Variants in MYOF observed in about 807,000 individuals in gnomAD.
The protein encoded by MYOF is myoferlin.
In MYOF, 244 loss-of-function variants were observed where a neutral mutation model predicts 284.2. That is an observed-to-expected ratio of 0.86 (90% CI 0.77 to 0.95). MYOF has a LOEUF of 0.95. Among genes scored for constraint, MYOF ranks in the 40% least tolerant of loss-of-function variants. The pLI is 0.00. For synonymous variants in MYOF, 904 were observed against 919.7 expected (o/e 0.98, Z 0.31); for missense variants, 2,496 against 2,560.6 (o/e 0.97, Z 0.54).
chr10:93,353,451 C>CA (rs900899722), intron 32 of MYOF, among the ~76,000 whole-genome samples: 3 of 151,770 alleles, frequency 2.0e-5, no homozygotes, highest in Non-Finnish European at 4.4e-5. Flanking sequence ...AAAGAGCCTG[C>CA]AAAAAAACTT....
At chr10:93,478,821 G>C (rs868315331) in intron 1 of MYOF, among the ~76,000 whole-genome samples, 3 of 18,166 alleles carry the variant, frequency 1.7e-4, no homozygotes, top group Middle Eastern at 0.023. Flanking sequence ...GGGTGAAACA[G>C]TCTCAAAAAA....
chr10:93,406,862 A>G (rs528724112), intron 7 of MYOF, among the ~76,000 whole-genome samples: 4 of 152,204 alleles, frequency 2.6e-5, no homozygotes, highest in African/African-American at 9.6e-5. Flanking sequence ...AAAAAGGACA[A>G]ACGCCAGAGC....
At position 93,399,395 on chromosome 10, in the gene MYOF, T is replaced by G; in HGVS notation, c.1218A>C (p.Lys406Asn). The G allele has an allele frequency of 6.2e-7, 1 of 1,609,016 alleles. No homozygotes were observed. The highest frequency in any genetic ancestry group is 1.7e-4 in the Middle Eastern group (1 of 6,030). The change falls in exon 13 of 54, where the codon AAA becomes AAC. Residue 406 changes from lysine (K) to asparagine (N), a missense_variant. By Grantham distance (94) the Lys-to-Asn change is moderately conservative. Around this residue, in one of 3 missense-constraint regions of MYOF, gnomAD observed 2,436 missense variants for 2,480.7 expected, o/e 0.98. Transcript: ENST00000359263. Reference sequence around the variant, plus strand: ...TGCATTTAGATCATGTACAAACCTTTTTTCCAGCAAAGGAAACTTCTACAA... The same window carrying G: ...TGCATTTAGATCATGTACAAACCTTGTTTCCAGCAAAGGAAACTTCTACAA... ...DPFVEVSFAG[K>N]KVCTNIIEKN...
chr10:93,374,896 C>T lies in MYOF; in HGVS notation c.2168G>A (p.Arg723Gln), dbSNP rs372783757. Residue 723 changes from arginine (R) to glutamine (Q), a missense_variant, in exon 23 of 54, where the codon CGA (arginine) becomes CAA (glutamine). Arg to Gln is a conservative substitution (Grantham distance 43). This residue lies in a region of MYOF where 2,436 missense variants were observed against 2,480.7 expected (regional missense o/e 0.98). Transcript: ENST00000359263. Reference sequence around the variant, plus strand: ...GGAGAGAGACCTGGACCGCAGCTTTCGGATCTGAGTATCGAGAACTGTGAC... The same window carrying T: ...GGAGAGAGACCTGGACCGCAGCTTTTGGATCTGAGTATCGAGAACTGTGAC... ...ANVTVLDTQI[R>Q]KLRSRSLSQI... 13 of 1,614,120 alleles carry T rather than the reference C, an allele frequency of 8.1e-6. No homozygotes were observed. Among genetic ancestry groups the T allele is most frequent in the East Asian group, 2.2e-5 (1 of 44,890 alleles).
chr10:93,312,827 G>A (rs967261660), intron 51 of MYOF, among the ~76,000 whole-genome samples, 193 bp downstream of exon 51: 1 of 152,096 alleles, frequency 6.6e-6, no homozygotes, highest in Non-Finnish European at 1.5e-5. Flanking sequence ...CCAAACACAT[G>A]CTCACAGCAT....
intron 19 of MYOF, among the ~76,000 whole-genome samples, chr10:93,385,843 CTTT>C (rs34820102): frequency 4.9e-5 from 7 of 142,856 alleles, no homozygotes; most frequent in Non-Finnish European, 3.1e-5. Context: ...ATATTGTTGA[CTTT>C]TTTTTTTTTT....
At chr10:93,319,305 G>A (rs374891069) in intron 49 of MYOF, among the ~76,000 whole-genome samples, 37 of 152,262 alleles carry the variant, frequency 2.4e-4, no homozygotes, top group African/African-American at 6.7e-4. Flanking sequence ...GGATCCAGAC[G>A]GGCTTAAAGC....
chr10:93,362,116 ATT>A lies in MYOF; in HGVS notation c.2869-561_2869-560del, dbSNP rs573199962. On this transcript the variant is annotated intron_variant, in intron 27 of 53. Coordinates refer to ENST00000359263, the MANE Select transcript of MYOF (RefSeq NM_013451.4). ...AGGTGTGCGCCACCATGCCCAGCTA[ATT>A]TTTGTATTTTTAGTAGAGACAGGGT... Among the ~76,000 whole-genome samples, 5 of 151,862 alleles carry A rather than the reference ATT, an allele frequency of 3.3e-5. No homozygotes were observed. The South Asian group carries it at 1.0e-3, about 32-fold the overall frequency.
chr10:93,479,145 C>CTT (rs1377635363), intron 1 of MYOF, among the ~76,000 whole-genome samples: 4 of 144,360 alleles, frequency 2.8e-5, no homozygotes, highest in African/African-American at 2.5e-5. Context: ...TGGCTTTTTC[C>CTT]TTTTTTTTTT....
intron 22 of MYOF, 48 bp downstream of exon 22, chr10:93,377,275 G>A (rs1232812407): frequency 2.5e-5 from 32 of 1,262,186 alleles, no homozygotes; most frequent in Non-Finnish European, 3.6e-5. Flanking sequence ...GAATTTCAGG[G>A]AGGAGCGCCT....
rs1844642263 is a variant in MYOF, at chr10:93,353,748, A to C, written c.3481+63T>G. 4 of 1,382,004 alleles carry C rather than the reference A, an allele frequency of 2.9e-6. No individual in the cohort carries two copies. The South Asian group carries it at 5.2e-5, about 18-fold the overall frequency. 85.6% of individuals were successfully genotyped at this position (1,382,004 alleles called of 1,614,324 possible). On this transcript the variant is annotated intron_variant, in intron 32 of 53. Transcript: ENST00000359263. ...GAAATGACAAAAAGCATTCACTCGA[A>C]ACACAGAAGCAAAATAGCATGCTAT...
Position 93,404,060 on chromosome 10 carries a change from T to A in MYOF, c.806A>T (p.His269Leu), listed in dbSNP as rs773384537. The change falls in exon 9 of 54, where the codon CAC (histidine) becomes CTC (leucine). Residue 269 changes from histidine to leucine, a missense_variant. Coordinates refer to ENST00000359263, the MANE Select transcript of MYOF (RefSeq NM_013451.4). ...CATCAGACAATCTGCCCGCAGAGAG[T>A]GAGAATTATAAACCTGGAAGAAAGA... is the stretch of plus-strand genomic sequence containing the variant. ...EIISIRVYNS[H>L]SLRADCLMGE... is the part of the protein sequence containing the mutation. 15 of 1,613,462 alleles carry A rather than the reference T, an allele frequency of 9.3e-6. 1 individual carries two copies. The South Asian group carries it at 1.6e-4, about 18-fold the overall frequency.
chr10:93,317,512 C>T (rs1842663421), intron 49 of MYOF, among the ~76,000 whole-genome samples: 1 of 152,062 alleles, frequency 6.6e-6, no homozygotes, highest in Admixed American at 6.5e-5. Context: ...TGGTGCATGC[C>T]TGTAATACCA....
chr10:93,439,762 G>T (rs1374733484), intron 3 of MYOF, among the ~76,000 whole-genome samples: 1 of 152,232 alleles, frequency 6.6e-6, no homozygotes, highest in Non-Finnish European at 1.5e-5. Flanking sequence ...GCTAGAAAAA[G>T]AGATGTATAA....
intron 28 of MYOF, 95 bp downstream of exon 28, chr10:93,361,357 C>A: frequency 1.6e-6 from 2 of 1,231,696 alleles, no homozygotes; most frequent in Non-Finnish European, 2.3e-6. Context: ...CATAGACCAA[C>A]AGAAGTGAGG....
chr10:93,332,039 C>T (rs534326693), intron 43 of MYOF, among the ~76,000 whole-genome samples: 8 of 152,110 alleles, frequency 5.3e-5, no homozygotes, highest in Admixed American at 2.0e-4. Flanking sequence ...AGCTAAATCT[C>T]GGCTCTATCA....
At chr10:93,319,393 G>A (rs1185916238) in intron 49 of MYOF, among the ~76,000 whole-genome samples, 6 of 152,158 alleles carry the variant, frequency 3.9e-5, no homozygotes, top group Admixed American at 6.5e-5. Context: ...GTTGAGTTCT[G>A]TAACTGAAAG....
At chr10:93,436,963 G>C (rs1047141617) in intron 3 of MYOF, among the ~76,000 whole-genome samples, 3 of 152,188 alleles carry the variant, frequency 2.0e-5, no homozygotes, top group Non-Finnish European at 4.4e-5. Context: ...CAGGACTACT[G>C]TCTCAAAAGG....
chr10:93,314,319 C>T (rs1171059615), intron 50 of MYOF, among the ~76,000 whole-genome samples: 1 of 152,174 alleles, frequency 6.6e-6, no homozygotes, highest in Non-Finnish European at 1.5e-5. Flanking sequence ...GAACTCCTGA[C>T]CTCATGTGAT....
Sources: allele counts gnomAD v4.1 joint callset (sites outside exome capture counted in the v4.1 genomes callset), GRCh38; gene constraint gnomAD v4.1.1; regional missense constraint gnomAD v4.1.1; transcripts MANE v1.5; gene names NCBI Gene and HGNC (gene_info 2026-07-23, HGNC 2026-07-21).